Variants in CDK6 observed in about 807,000 individuals in gnomAD.
CDK6 encodes the protein cyclin-dependent kinase 6.
A neutral mutation model predicts 37.1 loss-of-function variants in CDK6; 6 were observed. That is an observed-to-expected ratio of 0.16 (90% CI 0.09 to 0.32). CDK6 has a LOEUF of 0.32. Among genes scored for constraint, CDK6 ranks in the 10% least tolerant of loss-of-function variants. The pLI is 1.00. For synonymous variants in CDK6, 160 were observed against 161.3 expected (o/e 0.99, Z 0.06); for missense variants, 224 against 418.9 (o/e 0.53, Z 4.06).
intron 2 of CDK6, among the ~76,000 whole-genome samples, chr7:92,793,063 G>C (rs1284292751): frequency 1.3e-5 from 2 of 152,056 alleles, no homozygotes; most frequent in Non-Finnish European, 2.9e-5. Flanking sequence ...AGAGTTCTCT[G>C]TACAGTGAAA....
chr7:92,630,254 T>C (rs1796021085), intron 5 of CDK6, among the ~76,000 whole-genome samples: 1 of 150,894 alleles, frequency 6.6e-6, no homozygotes, highest in Admixed American at 6.7e-5. Flanking sequence ...TATATACTTT[T>C]TGATATTTTT....
At chr7:92,807,965 C>G (rs895577105) in intron 2 of CDK6, among the ~76,000 whole-genome samples, 3 of 152,126 alleles carry the variant, frequency 2.0e-5, no homozygotes, top group Non-Finnish European at 4.4e-5. Flanking sequence ...TATTTTATCA[C>G]ATTCTAATCC....
chr7:92,760,975 A>G (rs951835258), intron 3 of CDK6, among the ~76,000 whole-genome samples: 6 of 152,162 alleles, frequency 3.9e-5, no homozygotes, highest in African/African-American at 1.4e-4. Context: ...AGCGTTCTGT[A>G]TATATGTACA....
chr7:92,673,790 CTTTT>C (rs2116609668), intron 4 of CDK6, among the ~76,000 whole-genome samples: 1 of 141,110 alleles, frequency 7.1e-6, no homozygotes, highest in East Asian at 2.0e-4. Flanking sequence ...TTTTTTTTTT[CTTTT>C]TGAGATGGAG....
Position 92,737,459 on chromosome 7 carries a change from A to G in CDK6, c.370-11666T>C, listed in dbSNP as rs374460331. On this transcript the variant is annotated intron_variant, in intron 3 of 7. Coordinates refer to ENST00000424848, the MANE Select transcript of CDK6 (RefSeq NM_001145306.2). Reference sequence around the variant, plus strand: ...GACCCAACTTGCTAAAATGGTTTTAAGTTGCTTTTTCCCTATACCTGGACA... The same window carrying G: ...GACCCAACTTGCTAAAATGGTTTTAGGTTGCTTTTTCCCTATACCTGGACA... 5.3e-4 allele frequency among the ~76,000 whole-genome samples: 80 copies of G among 152,300 alleles called. 2 individuals carry two copies. In the East Asian group the frequency reaches 0.013, roughly 25 times the overall value.
intron 4 of CDK6, among the ~76,000 whole-genome samples, chr7:92,699,163 AAATTTTAACT>A: frequency 6.6e-6 from 1 of 152,224 alleles, no homozygotes; most frequent in Non-Finnish European, 1.5e-5. Flanking sequence ...CTGGGCTGAT[AAATTTTAACT>A]AATAACTTAG....
chr7:92,778,594 T>C (rs1359567626), intron 2 of CDK6, among the ~76,000 whole-genome samples: 1 of 152,198 alleles, frequency 6.6e-6, no homozygotes, highest in Non-Finnish European at 1.5e-5. Context: ...CTTATTGCTA[T>C]TAAATCCACA....
At chr7:92,673,936 C>T (rs1194858839) in intron 4 of CDK6, among the ~76,000 whole-genome samples, 4 of 152,028 alleles carry the variant, frequency 2.6e-5, no homozygotes, top group African/African-American at 9.7e-5. Context: ...CGCCACCACA[C>T]CCGGCTAATT....
intron 4 of CDK6, among the ~76,000 whole-genome samples, chr7:92,695,271 T>TAA (rs61112739): frequency 1.3e-4 from 13 of 99,642 alleles, no homozygotes; most frequent in African/African-American, 5.2e-4. Flanking sequence ...GACCCTGAGG[T>TAA]AAAAAAAAAA....
intron 2 of CDK6, among the ~76,000 whole-genome samples, chr7:92,782,585 C>T (rs1483247328): frequency 2.0e-5 from 3 of 152,186 alleles, no homozygotes; most frequent in Non-Finnish European, 4.4e-5. Context: ...TCTCAGCCTG[C>T]AGCTACTGAT....
chr7:92,649,525 T>G (rs1195582321), intron 5 of CDK6, among the ~76,000 whole-genome samples: 1 of 152,216 alleles, frequency 6.6e-6, no homozygotes, highest in Non-Finnish European at 1.5e-5. Flanking sequence ...AATATTTTCA[T>G]GTTTAAGGCA....
At chr7:92,678,312 T>C (rs557572582) in intron 4 of CDK6, among the ~76,000 whole-genome samples, 2 of 152,306 alleles carry the variant, frequency 1.3e-5, no homozygotes, top group East Asian at 1.9e-4. Flanking sequence ...ATAGGAATTA[T>C]GGACAGAGTT....
chr7:92,833,923 G>T lies in CDK6; in HGVS notation c.-367-233C>A, dbSNP rs1248012655. On this transcript the variant is annotated intron_variant, in intron 1 of 7. Transcript: ENST00000424848. This position sits in a 1 kb window ranked among gnomAD's most constrained non-coding sequence, Gnocchi z 6.1. The stretch of plus-strand genomic sequence containing the variant: ...CGTCTTCGCGCGGAGAGGTTGCAGG[G>T]GCCCCTCGGGGATGAGCGAGCGGCG... 1.8e-5 allele frequency: 7 copies of T among 398,796 alleles called. 1 individual carries two copies. The highest frequency in any genetic ancestry group is 3.1e-5 in the Non-Finnish European group (7 of 226,344). The allele number at this position is 398,796 out of a possible 1,614,324, so 24.7% of individuals were successfully genotyped here. A position where few individuals can be genotyped will look rare whatever the true frequency, so the allele number is the denominator to read the frequency against.
intron 3 of CDK6, among the ~76,000 whole-genome samples, chr7:92,742,239 C>A (rs1168833083): frequency 6.6e-6 from 1 of 152,110 alleles, no homozygotes; most frequent in African/African-American, 2.4e-5. Flanking sequence ...AGGTAAATAC[C>A]CTAAGTAAGA....
At chr7:92,693,851 T>C (rs1488429985) in intron 4 of CDK6, among the ~76,000 whole-genome samples, 2 of 152,200 alleles carry the variant, frequency 1.3e-5, no homozygotes, top group Non-Finnish European at 2.9e-5. Context: ...GAGAAGTTTA[T>C]AGTGAAATTG....
chr7:92,689,971 G>GT (rs945710110), intron 4 of CDK6, among the ~76,000 whole-genome samples: 10 of 151,300 alleles, frequency 6.6e-5, no homozygotes, highest in African/African-American at 2.2e-4. Context: ...CTTTTTTATC[G>GT]TTTTTTTTCC....
intron 2 of CDK6, among the ~76,000 whole-genome samples, chr7:92,779,791 C>T (rs1049457729): frequency 6.6e-6 from 1 of 152,116 alleles, no homozygotes; most frequent in Non-Finnish European, 1.5e-5. Flanking sequence ...TAAAAATTAA[C>T]AGTTATATTA....
At chr7:92,770,518 A>AGT (rs1249825190) in intron 3 of CDK6, among the ~76,000 whole-genome samples, 1 of 152,130 alleles carries the variant, frequency 6.6e-6, no homozygotes, top group African/African-American at 2.4e-5. Flanking sequence ...CCCAACTATC[A>AGT]ACCTTTATTA....
At chr7:92,686,047 A>C (rs887308102) in intron 4 of CDK6, among the ~76,000 whole-genome samples, 1 of 152,224 alleles carries the variant, frequency 6.6e-6, no homozygotes, top group African/African-American at 2.4e-5. Context: ...AAGCCAACTG[A>C]GATCTTTAAA....
Sources: gnomAD v4.1 joint callset for allele counts (sites outside exome capture counted in the v4.1 genomes callset) on GRCh38, gnomAD v4.1.1 for gene constraint, Gnocchi (gnomAD v3.1) non-coding constraint, MANE v1.5 for transcripts, NCBI Gene and HGNC (gene_info 2026-07-23, HGNC 2026-07-21) for gene names.